AP1M2: variants seen among roughly 807,000 people sequenced by gnomAD.
The protein encoded by AP1M2 is AP-1 complex subunit mu-2.
Under a neutral mutation model 54.6 loss-of-function variants are expected in AP1M2, and 41 were observed. The observed-to-expected ratio is 0.75, with a 90% CI of 0.59 to 0.97. The LOEUF (loss-of-function observed/expected upper bound fraction) is 0.97. Ranked by LOEUF, AP1M2 falls within the 50% of genes least tolerant of loss-of-function variation. The pLI is 0.00. For synonymous variants in AP1M2, 219 were observed against 215.9 expected (o/e 1.01, Z -0.13); for missense variants, 507 against 561.2 (o/e 0.90, Z 0.98).
At chr19:10,578,005 G>A (rs552078637) in intron 8 of AP1M2, among the ~76,000 whole-genome samples, 11 of 152,180 alleles carry the variant, frequency 7.2e-5, no homozygotes, top group African/African-American at 2.6e-4. Context: ...CAACATGCTG[G>A]GATTACAGGT....
At chr19:10,584,712 T>C (rs905246216) in intron 1 of AP1M2, among the ~76,000 whole-genome samples, 4 of 151,110 alleles carry the variant, frequency 2.6e-5, no homozygotes, top group African/African-American at 9.7e-5. Context: ...AAAAAAAGAG[T>C]AGATGTTTAC....
At position 10,577,178 on chromosome 19, in the gene AP1M2, C is replaced by A; in HGVS notation, c.1047+20G>T. The A allele has an allele frequency of 1.9e-6, 3 of 1,600,734 alleles. No homozygotes were observed. Among genetic ancestry groups the A allele is most frequent in the East Asian group, 2.3e-5 (1 of 44,264 alleles). On this transcript the variant is annotated intron_variant, in intron 9 of 11. Coordinates refer to ENST00000250244, the MANE Select transcript of AP1M2 (RefSeq NM_005498.5). Reference sequence around the variant, plus strand: ...CAGTCCCCTCCACCCCCAGATCCCCCGCCAGTCCCTGGTACTTACCGGGAA... The same window carrying A: ...CAGTCCCCTCCACCCCCAGATCCCCAGCCAGTCCCTGGTACTTACCGGGAA...
intron 11 of AP1M2, 32 bp downstream of exon 11, chr19:10,574,385 C>T: frequency 1.3e-6 from 2 of 1,516,984 alleles, no homozygotes; most frequent in South Asian, 1.2e-5. Context: ...CTTTCCCTCA[C>T]CCCATTGTCC....
At chr19:10,579,345 G>T (rs967992126) in intron 7 of AP1M2, among the ~76,000 whole-genome samples, 9 of 152,130 alleles carry the variant, frequency 5.9e-5, no homozygotes, top group African/African-American at 2.2e-4. Flanking sequence ...GAACCTGGGA[G>T]GCGGAGCTTG....
intron 7 of AP1M2, among the ~76,000 whole-genome samples, chr19:10,579,243 C>T (rs1245420145): frequency 6.6e-6 from 1 of 151,610 alleles, no homozygotes; most frequent in Non-Finnish European, 1.5e-5. Context: ...GGCGAAACCC[C>T]GTCTCTACTA....
In AP1M2 at chr19:10,585,302, A is replaced by AGAAG. The variant is rs1555753891; in HGVS notation, c.43-1233_43-1232insCTTC. 7.5e-3 allele frequency among the ~76,000 whole-genome samples: 493 copies of AGAAG among 65,924 alleles called. 11 individuals are homozygous for AGAAG. The highest frequency in any genetic ancestry group is 0.018 in the African/African-American group (441 of 24,094). The allele number at this position is 65,924 out of a possible 152,430, so 43.2% of individuals were successfully genotyped here. A position where few individuals can be genotyped will look rare whatever the true frequency, so the allele number is the denominator to read the frequency against. ...AAGAAAAAAAGAAAGAAAGAAAGAA[A>AGAAG]GAAAGAAAGAAAGAAAGAAAGAAAG... On this transcript the variant is annotated intron_variant, in intron 1 of 11. Coordinates refer to ENST00000250244, the MANE Select transcript of AP1M2 (RefSeq NM_005498.5).
intron 8 of AP1M2, among the ~76,000 whole-genome samples, chr19:10,578,350 C>T (rs1030805505): frequency 2.0e-5 from 3 of 151,022 alleles, no homozygotes; most frequent in African/African-American, 7.3e-5. Flanking sequence ...GGCGTGGCGG[C>T]AGGAGCCTGT....
chr19:10,573,166 C>A lies in AP1M2; in HGVS notation c.1250-78G>T, dbSNP rs1025604483. 11 of 1,391,928 alleles carry A rather than the reference C, an allele frequency of 7.9e-6. No homozygotes were observed. In the African/African-American group the frequency reaches 1.4e-4, roughly 18 times the overall value. 86.2% of individuals were successfully genotyped at this position (1,391,928 alleles called of 1,614,324 possible). A position where few individuals can be genotyped will look rare whatever the true frequency, so the allele number is the denominator to read the frequency against. On this transcript the variant is annotated intron_variant, in intron 11 of 11. Transcript: ENST00000250244. ...GGGCACGGTGACTCACGCTTATAAT[C>A]CCAGCACTTTGGGAGGTCGAGGCAG...
At position 10,583,969 on chromosome 19, in the gene AP1M2, C is replaced by A. The variant is rs746599947; in HGVS notation, c.144G>T (p.Pro48=). 3.1e-6 allele frequency: 5 copies of A among 1,604,030 alleles called. No homozygotes were observed. The Admixed American group carries it at 6.9e-5, about 22-fold the overall frequency. ...AGTGGACCTGGCCGTGGCTCAGCAG[C>A]GGGGCCAGGGCGCCTTCCTCCTCCC... ...VQREEEGALA[P]LLSHGQVHFL... Residue 48 remains proline, a synonymous_variant, in exon 2 of 12, where the codon CCG becomes CCT. Coordinates refer to ENST00000250244, the MANE Select transcript of AP1M2 (RefSeq NM_005498.5).
At position 10,577,302 on chromosome 19, in the gene AP1M2, G is replaced by A. The variant is rs368571586; in HGVS notation, c.943C>T (p.Pro315Ser). 5.0e-6 allele frequency: 8 copies of A among 1,611,678 alleles called. No homozygotes were observed. The highest frequency in any genetic ancestry group is 2.2e-5 in the East Asian group (1 of 44,868). ...SVANGVEISV[P>S]VPSDADSPRF... Reference sequence around the variant, plus strand: ...GGGGAGTCGGCATCGCTGGGTACAGGCACAGATATCTCCACACCGTTGGCC... The same window carrying A: ...GGGGAGTCGGCATCGCTGGGTACAGACACAGATATCTCCACACCGTTGGCC... The change falls in exon 9 of 12, where the codon CCT (proline) becomes TCT (serine). Residue 315 changes from proline (P) to serine (S), a missense_variant. Physicochemically the swap from Pro to Ser is moderately conservative, Grantham distance 74. Transcript: ENST00000250244.
intron 7 of AP1M2, among the ~76,000 whole-genome samples, chr19:10,579,348 G>A (rs975722748): frequency 3.3e-5 from 5 of 152,012 alleles, no homozygotes; most frequent in East Asian, 1.9e-4. Context: ...CCTGGGAGGC[G>A]GAGCTTGCAG....
intron 1 of AP1M2, among the ~76,000 whole-genome samples, chr19:10,584,780 C>T (rs1568434434): frequency 6.6e-6 from 1 of 152,084 alleles, no homozygotes; most frequent in Non-Finnish European, 1.5e-5. Flanking sequence ...ATCTCCATTT[C>T]ACACAGGAGA....
At chr19:10,582,007 C>CTTA in intron 3 of AP1M2, 129 bp from the exon 4 acceptor site, 4 of 1,046,556 alleles carry the variant, frequency 3.8e-6, no homozygotes, top group Non-Finnish European at 5.4e-6. Context: ...AGTTCAAGAC[C>CTTA]AGCCTGGGCA....
chr19:10,577,423 CTTTTTTTTTTT>C (rs386388547), intron 8 of AP1M2, 67 bp from the exon 9 acceptor site: 5,813 of 370,164 alleles, frequency 0.016, 30 homozygotes, highest in Middle Eastern at 0.026. Flanking sequence ...TTACCAAGCC[CTTTTTTTTTTT>C]TTTTTTTTTT....
chr19:10,578,212 G>A (rs2144759512), intron 8 of AP1M2, among the ~76,000 whole-genome samples: 1 of 152,314 alleles, frequency 6.6e-6, no homozygotes, highest in Non-Finnish European at 1.5e-5. Flanking sequence ...CTGTAAAATG[G>A]ACAGGATAAG....
intron 8 of AP1M2, among the ~76,000 whole-genome samples, chr19:10,578,109 C>T (rs73016784): frequency 0.25 from 37,702 of 152,020 alleles, 5,482 homozygotes; most frequent in East Asian, 0.62. Context: ...CAGGGCTTCT[C>T]GAGCCTCATG....
chr19:10,575,605 C>T (rs1473768948), intron 9 of AP1M2, among the ~76,000 whole-genome samples: 1 of 152,052 alleles, frequency 6.6e-6, no homozygotes, highest in Non-Finnish European at 1.5e-5. Context: ...GGGCTGGTTT[C>T]CTCAAGACAT....
chr19:10,584,184 C>G, intron 1 of AP1M2, 114 bp from the exon 2 acceptor site: 1 of 1,332,292 alleles, frequency 7.5e-7, no homozygotes, highest in East Asian at 2.5e-5. Flanking sequence ...TTGGGCAAGG[C>G]TCTGCCTCCT....
intron 6 of AP1M2, among the ~76,000 whole-genome samples, chr19:10,580,521 G>A (rs944055032): frequency 2.6e-5 from 4 of 152,164 alleles, no homozygotes; most frequent in Non-Finnish European, 5.9e-5. Context: ...AAATTAGCTG[G>A]GCGTGGTGGC....
Sources: allele counts gnomAD v4.1 joint callset (sites outside exome capture counted in the v4.1 genomes callset), GRCh38; gene constraint gnomAD v4.1.1; transcripts MANE v1.5; gene names NCBI Gene and HGNC (gene_info 2026-07-23, HGNC 2026-07-21).